The following CADPS variants were observed in gnomAD, a reference collection of about 807,000 sequenced individuals.
CADPS encodes calcium-dependent secretion activator 1.
A neutral mutation model predicts 167.3 loss-of-function variants in CADPS; 57 were observed. The ratio of observed to expected loss-of-function variants is 0.34; its 90% CI spans 0.28 to 0.42. The LOEUF is 0.42. CADPS is among the 20% of genes least tolerant of loss of function. The pLI, the probability that CADPS is intolerant of heterozygous loss-of-function variation, is 1.00. For synonymous variants in CADPS, 676 were observed against 635.3 expected (o/e 1.06, Z -0.96); for missense variants, 1,414 against 1,738.1 (o/e 0.81, Z 3.32).
intron 23 of CADPS, among the ~76,000 whole-genome samples, chr3:62,477,808 A>G (rs17066436): frequency 0.082 from 12,497 of 152,226 alleles, 1,189 homozygotes; most frequent in African/African-American, 0.23. Flanking sequence ...TGATGATGCT[A>G]AGGCCCTATC....
chr3:62,718,814 A>G (rs1284740314), intron 3 of CADPS, among the ~76,000 whole-genome samples: 1 of 152,222 alleles, frequency 6.6e-6, no homozygotes, highest in Admixed American at 6.5e-5. Context: ...TGGATATCAC[A>G]TTTCCTTCCC....
At chr3:62,607,246 G>A (rs560897347) in intron 6 of CADPS, among the ~76,000 whole-genome samples, 1 of 152,268 alleles carries the variant, frequency 6.6e-6, no homozygotes, top group African/African-American at 2.4e-5. Context: ...TGACAGCTCT[G>A]TTTTGCCAGT....
At chr3:62,721,137 A>ATTTTTTTTTTTTT in intron 3 of CADPS, among the ~76,000 whole-genome samples, 2 of 75,864 alleles carry the variant, frequency 2.6e-5, no homozygotes, top group African/African-American at 1.2e-4. Flanking sequence ...TTTTTTTTAA[A>ATTTTTTTTTTTTT]AAAAAAAAGA....
Position 62,627,876 on chromosome 3 carries a change from G to A in CADPS, c.1325+17846C>T, listed in dbSNP as rs145501454. Among the ~76,000 whole-genome samples the A allele has an allele frequency of 9.6e-3, 1,457 of 152,208 alleles. 36 individuals carry two copies. In the South Asian group the frequency reaches 0.099, roughly 10 times the overall value. On this transcript the variant is annotated intron_variant, in intron 6 of 29. Transcript: ENST00000383710. ...TTCCTCAAAAAGCCATTATATTTGA[G>A]GTCTCAAGTATATTCAACCTCAAAC...
At position 62,640,661 on chromosome 3, in the gene CADPS, C is replaced by A. The variant is rs151329161; in HGVS notation, c.1325+5061G>T. On this transcript the variant is annotated intron_variant, in intron 6 of 29. Transcript: ENST00000383710. ...TAATGAAATTCATATGTCACGAAGC[C>A]CATGGCCTGTCAGGGAGTAATGAAC... Among the ~76,000 whole-genome samples, 891 of 152,204 alleles carry A rather than the reference C, an allele frequency of 5.9e-3. 7 individuals are homozygous for A. Among genetic ancestry groups the A allele is most frequent in the Middle Eastern group, 0.014 (4 of 292 alleles).
chr3:62,793,211 T>C (rs564750356), intron 1 of CADPS, among the ~76,000 whole-genome samples: 1 of 152,320 alleles, frequency 6.6e-6, no homozygotes, highest in Non-Finnish European at 1.5e-5. Context: ...CAAGTATTTA[T>C]AATGCTTGTG....
intron 8 of CADPS, among the ~76,000 whole-genome samples, chr3:62,582,925 G>C (rs1578210383): frequency 6.6e-6 from 1 of 152,174 alleles, no homozygotes; most frequent in Non-Finnish European, 1.5e-5. Flanking sequence ...AGAGAATGTG[G>C]GAAATGGGCA....
chr3:62,771,718 G>C (rs2088818777), intron 1 of CADPS, among the ~76,000 whole-genome samples: 1 of 152,166 alleles, frequency 6.6e-6, no homozygotes. Flanking sequence ...AAAGATGGAA[G>C]GTGATTATTG....
At position 62,592,377 on chromosome 3, in the gene CADPS, G is replaced by C. The variant is rs535530643; in HGVS notation, c.1437+260C>G. On this transcript the variant is annotated intron_variant, in intron 7 of 29. Coordinates refer to ENST00000383710, the MANE Select transcript of CADPS (RefSeq NM_003716.4). Reference sequence around the variant, plus strand: ...TTAACTCTAAAGGATGTTTGGGTCTGATAGTATTGAGAACTCCTGCTCTAT... The same window carrying C: ...TTAACTCTAAAGGATGTTTGGGTCTCATAGTATTGAGAACTCCTGCTCTAT... Among the ~76,000 whole-genome samples the C allele has an allele frequency of 3.3e-5, 5 of 152,252 alleles. No individual in the cohort carries two copies. The South Asian group carries it at 1.0e-3, about 32-fold the overall frequency.
At chr3:62,649,167 CT>C in intron 5 of CADPS, among the ~76,000 whole-genome samples, 1 of 152,224 alleles carries the variant, frequency 6.6e-6, no homozygotes, top group Non-Finnish European at 1.5e-5. Flanking sequence ...TCATAAAACC[CT>C]TGTGGGGTTT....
chr3:62,634,350 G>GT (rs1399465528), intron 6 of CADPS, among the ~76,000 whole-genome samples: 1 of 152,122 alleles, frequency 6.6e-6, no homozygotes, highest in Non-Finnish European at 1.5e-5. Context: ...ATATAAAATA[G>GT]TTTTAATGAA....
rs79279328 is a variant in CADPS at position 62,745,743 on chromosome 3, T to A, written c.888+7698A>T. On this transcript the variant is annotated intron_variant, in intron 3 of 29. Coordinates refer to ENST00000383710, the MANE Select transcript of CADPS (RefSeq NM_003716.4). The stretch of plus-strand genomic sequence containing the variant: ...ACATGCACCTTGTGTAATGTGGGCA[T>A]TTAAGCTCCTTGAGGCCATAACTGC... 3.8e-3 allele frequency among the ~76,000 whole-genome samples: 583 copies of A among 152,308 alleles called. 2 individuals are homozygous for A. The highest frequency in any genetic ancestry group is 0.013 in the African/African-American group (546 of 41,562).
chr3:62,448,707 G>C (rs997214823), intron 26 of CADPS, among the ~76,000 whole-genome samples: 1 of 151,960 alleles, frequency 6.6e-6, no homozygotes, highest in Non-Finnish European at 1.5e-5. Flanking sequence ...TCTGCCTCCC[G>C]AGTTGAAGCA....
At chr3:62,717,839 A>G (rs2084975248) in intron 3 of CADPS, among the ~76,000 whole-genome samples, 1 of 152,004 alleles carries the variant, frequency 6.6e-6, no homozygotes, top group Admixed American at 6.6e-5. Flanking sequence ...TACCTGATTG[A>G]CCCCATTAGA....
intron 6 of CADPS, among the ~76,000 whole-genome samples, chr3:62,638,077 TTATA>T: frequency 2.7e-5 from 1 of 36,822 alleles, no homozygotes; most frequent in South Asian, 2.1e-3. Flanking sequence ...GTTTTAAGCA[TTATA>T]TATATATATA....
chr3:62,853,940 A>G (rs942004666), intron 1 of CADPS, among the ~76,000 whole-genome samples: 4 of 152,138 alleles, frequency 2.6e-5, no homozygotes, highest in Non-Finnish European at 5.9e-5. Context: ...TGGGCGACAG[A>G]CAGTAAGCCT....
At chr3:62,637,512 T>C (rs1164600435) in intron 6 of CADPS, among the ~76,000 whole-genome samples, 3 of 152,234 alleles carry the variant, frequency 2.0e-5, no homozygotes, top group Non-Finnish European at 4.4e-5. Context: ...GGTCGAATTA[T>C]GCCTGCTGAG....
chr3:62,790,698 G>A (rs1004248135), intron 1 of CADPS, among the ~76,000 whole-genome samples: 3 of 152,130 alleles, frequency 2.0e-5, no homozygotes, highest in Non-Finnish European at 4.4e-5. Context: ...GATTTTTAAG[G>A]ATATTGTCAA....
chr3:62,838,481 G>A (rs1459717430), intron 1 of CADPS, among the ~76,000 whole-genome samples: 1 of 152,106 alleles, frequency 6.6e-6, no homozygotes, highest in East Asian at 1.9e-4. Flanking sequence ...AGTTTTTAGG[G>A]AATCTGTGAA....
Sources: allele counts gnomAD v4.1 joint callset (sites outside exome capture counted in the v4.1 genomes callset), GRCh38; gene constraint gnomAD v4.1.1; transcripts MANE v1.5; gene names NCBI Gene and HGNC (gene_info 2026-07-23, HGNC 2026-07-21).